The following MAPKBP1 variants were observed in gnomAD, a reference collection of about 807,000 sequenced individuals.
The protein encoded by MAPKBP1 is mitogen-activated protein kinase-binding protein 1.
In MAPKBP1, 71 loss-of-function variants were observed where a neutral mutation model predicts 170.5. The observed-to-expected ratio is 0.42, with a 90% CI of 0.34 to 0.51. The LOEUF (loss-of-function observed/expected upper bound fraction) is 0.51. Ranked by LOEUF, MAPKBP1 falls within the 20% of genes least tolerant of loss-of-function variation. The pLI, the probability that MAPKBP1 is intolerant of heterozygous loss-of-function variation, is 0.06. For missense variants in MAPKBP1, 1,598 were observed against 1,933.0 expected (o/e 0.83, Z 3.25); for synonymous variants, 719 against 757.9 (o/e 0.95, Z 0.84).
chr15:41,786,777 A>AATATATATATATATATATATATAT (rs1180590172), intron 2 of MAPKBP1, among the ~76,000 whole-genome samples: 22 of 32,350 alleles, frequency 6.8e-4, no homozygotes, highest in African/African-American at 1.2e-3. Context: ...AAAAAAAAAA[A>AATATATATATATATATATATATAT]ATATATATAT....
At position 41,823,436 on chromosome 15, in the gene MAPKBP1, C is replaced by G; in HGVS notation, c.3599-11C>G. The G allele has an allele frequency of 6.2e-7, 1 of 1,606,024 alleles. No individual in the cohort carries two copies. Among genetic ancestry groups the G allele is most frequent in the Non-Finnish European group, 8.5e-7 (1 of 1,175,090 alleles). ...ACACCTGACCTGTGTATACCTCTGT[C>G]TCCTTTGCAGAAAGACATGAGGCCA... On this transcript the variant is annotated splice_polypyrimidine_tract_variant and intron_variant, in intron 28 of 30. Coordinates refer to ENST00000457542, the MANE Select transcript of MAPKBP1 (RefSeq NM_014994.3).
chr15:41,818,472 T>C lies in MAPKBP1; in HGVS notation c.2093-47T>C. 1 of 1,580,760 alleles carries C rather than the reference T, an allele frequency of 6.3e-7. No homozygotes were observed. The highest frequency in any genetic ancestry group is 1.3e-5 in the African/African-American group (1 of 74,386). On this transcript the variant is annotated intron_variant, in intron 18 of 30. Coordinates refer to ENST00000457542, the MANE Select transcript of MAPKBP1 (RefSeq NM_014994.3). The surrounding 1 kb of genome is among the most constrained non-coding windows in gnomAD (Gnocchi z 5.2). ...CACTGTTGGGATGGAGAGGACTTGG[T>C]TGGGAATTTAAGGTGGCTTATAGAC...
At chr15:41,824,211 C>T in intron 29 of MAPKBP1, 150 bp downstream of exon 29, 2 of 1,104,824 alleles carry the variant, frequency 1.8e-6, no homozygotes, top group Non-Finnish European at 2.6e-6. Flanking sequence ...AAGTCACACC[C>T]CTGATGGTGA....
intron 2 of MAPKBP1, among the ~76,000 whole-genome samples, chr15:41,776,702 C>CT (rs1233913993): frequency 6.6e-6 from 1 of 152,176 alleles, no homozygotes; most frequent in Admixed American, 6.5e-5. Flanking sequence ...TCTTTGGCCT[C>CT]TTTTTCTGGC....
intron 30 of MAPKBP1, 144 bp from the exon 31 acceptor site, chr15:41,825,065 T>C: frequency 1.6e-6 from 1 of 626,978 alleles, no homozygotes; most frequent in South Asian, 2.1e-5. Flanking sequence ...CTGCATCCCA[T>C]GTTCCCTGGC....
intron 2 of MAPKBP1, among the ~76,000 whole-genome samples, chr15:41,787,871 G>C (rs996261992): frequency 6.6e-6 from 1 of 152,064 alleles, no homozygotes; most frequent in African/African-American, 2.4e-5. Flanking sequence ...TTGATAAATA[G>C]TTGAAGAATT....
chr15:41,821,200 C>A, intron 23 of MAPKBP1, 132 bp downstream of exon 23: 1 of 861,236 alleles, frequency 1.2e-6, no homozygotes, highest in Non-Finnish European at 1.9e-6. Flanking sequence ...ACCTGAACTG[C>A]AAAGCCAGGA....
chr15:41,781,245 T>A (rs1454186395), intron 2 of MAPKBP1, among the ~76,000 whole-genome samples: 2 of 152,018 alleles, frequency 1.3e-5, no homozygotes, highest in African/African-American at 2.4e-5. Context: ...CTGGCTACTT[T>A]TTGTTTTTTC....
chr15:41,824,464 G>A lies in MAPKBP1; in HGVS notation c.4214-20G>A, dbSNP rs1370473484. 4.5e-6 allele frequency: 7 copies of A among 1,572,376 alleles called. No individual in the cohort carries two copies. Among genetic ancestry groups the A allele is most frequent in the Middle Eastern group, 3.4e-4 (2 of 5,888 alleles). On this transcript the variant is annotated intron_variant, in intron 29 of 30. Transcript: ENST00000457542. ...AGGGCTACATGCTGGGCCTCACTGA[G>A]CTGTATCCGTCTCTTTCAGAGCCAG...
At chr15:41,816,460 A>G (rs2064892745) in intron 12 of MAPKBP1, 99 bp from the exon 13 acceptor site, 9 of 809,548 alleles carry the variant, frequency 1.1e-5, no homozygotes, top group Non-Finnish European at 1.8e-5. Flanking sequence ...TAAAAGTTCA[A>G]AAAAAGGAAA....
intron 20 of MAPKBP1, 69 bp downstream of exon 20, chr15:41,819,026 C>T: frequency 6.3e-7 from 1 of 1,592,486 alleles, no homozygotes; most frequent in Non-Finnish European, 8.6e-7. Flanking sequence ...ACTGCACTTC[C>T]TCCATGCTTT....
Position 41,817,705 on chromosome 15 carries a change from C to A in MAPKBP1, c.1874C>A (p.Thr625Lys). ...DMDVEPSWKY[T>K]AIGCQDRNIR... ...GATGTGGAGCCCAGCTGGAAGTACA[C>A]GGCTATCGGCTGCCAGGACCGAAAT... Residue 625 changes from threonine (T) to lysine (K), a missense_variant, in exon 16 of 31, where the codon ACG becomes AAG. Coordinates refer to ENST00000457542, the MANE Select transcript of MAPKBP1 (RefSeq NM_014994.3). The surrounding 1 kb of genome is among the most constrained non-coding windows in gnomAD (Gnocchi z 4.2). 6.2e-7 allele frequency: 1 copy of A among 1,614,074 alleles called. No individual in the cohort carries two copies. The highest frequency in any genetic ancestry group is 1.1e-5 in the South Asian group (1 of 91,070).
chr15:41,816,558 G>C lies in MAPKBP1; in HGVS notation c.1494-1G>C. ...CTTCCCACCTCTCCTCATCTTTGCA[G>C]GGTGCACGAACTTCAGTCCCTGAGT... On this transcript the variant is annotated splice_acceptor_variant, in intron 12 of 30. Transcript: ENST00000457542. LOFTEE classifies it high-confidence loss of function. The C allele has an allele frequency of 6.2e-7, 1 of 1,613,102 alleles. No homozygotes were observed. The highest frequency in any genetic ancestry group is 1.3e-5 in the African/African-American group (1 of 75,026).
At chr15:41,820,381 G>A (rs1211095418) in intron 22 of MAPKBP1, among the ~76,000 whole-genome samples, 1 of 152,112 alleles carries the variant, frequency 6.6e-6, no homozygotes, top group Non-Finnish European at 1.5e-5. Context: ...GGAGTGGTTG[G>A]GGTAGACAGG....
At chr15:41,781,785 GAAGA>G (rs2064193827) in intron 2 of MAPKBP1, among the ~76,000 whole-genome samples, 1 of 151,892 alleles carries the variant, frequency 6.6e-6, no homozygotes, top group African/African-American at 2.4e-5. Flanking sequence ...GAAATCCTGA[GAAGA>G]AAGTTTATTT....
Position 41,819,304 on chromosome 15 carries a change from G to C in MAPKBP1, c.2350G>C (p.Glu784Gln). ...GPALSSDSDK[E>Q]GEDEGTEEEL... ...GGCTCTCTCATCAGACAGTGACAAG[G>C]AGGGAGAAGATGAGGGGACTGAAGA... The change falls in exon 21 of 31, where the codon GAG becomes CAG. Residue 784 changes from glutamate (E) to glutamine (Q), a missense_variant. By Grantham distance (29) the Glu-to-Gln change is conservative. Coordinates refer to ENST00000457542, the MANE Select transcript of MAPKBP1 (RefSeq NM_014994.3). The C allele has an allele frequency of 6.2e-7, 1 of 1,614,216 alleles. No homozygotes were observed. The highest frequency in any genetic ancestry group is 1.6e-4 in the Middle Eastern group (1 of 6,062).
In MAPKBP1 at chr15:41,805,634, T is replaced by C. The variant is rs1353649125; in HGVS notation, c.207-5249T>C. 3.3e-5 allele frequency among the ~76,000 whole-genome samples: 5 copies of C among 152,342 alleles called. No homozygotes were observed. In the East Asian group the frequency reaches 9.6e-4, roughly 29 times the overall value. On this transcript the variant is annotated intron_variant, in intron 3 of 30. Coordinates refer to ENST00000457542, the MANE Select transcript of MAPKBP1 (RefSeq NM_014994.3). ...CCTGCTCTCCTGAGGAGGCCCTCCA[T>C]TTCCTCAGCCCATGTTAAAATTGAT...
Position 41,824,034 on chromosome 15 carries a change from C to G in MAPKBP1, c.4186C>G (p.Pro1396Ala). 6 of 1,607,176 alleles carry G rather than the reference C, an allele frequency of 3.7e-6. No individual in the cohort carries two copies. The highest frequency in any genetic ancestry group is 5.1e-6 in the Non-Finnish European group (6 of 1,179,422). ...KTPNPMECTK[P>A]GAALSQDSEP... ...TCCCAACCCCATGGAATGCACCAAG[C>G]CAGGGGCAGCCCTGAGCCAGGACTC... The change falls in exon 29 of 31, where the codon CCA becomes GCA. Residue 1396 changes from proline to alanine, a missense_variant. Physicochemically the swap from Pro to Ala is conservative, Grantham distance 27. Around this residue, in one of 6 missense-constraint regions of MAPKBP1, gnomAD observed 942 missense variants for 953.2 expected, o/e 0.99. Coordinates refer to ENST00000457542, the MANE Select transcript of MAPKBP1 (RefSeq NM_014994.3).
Position 41,818,667 on chromosome 15 carries a change from C to T in MAPKBP1, c.2156+85C>T, listed in dbSNP as rs2064933534. The T allele has an allele frequency of 6.6e-7, 1 of 1,507,836 alleles. No individual in the cohort carries two copies. The highest frequency in any genetic ancestry group is 1.4e-5 in the African/African-American group (1 of 72,440). 93.4% of individuals were successfully genotyped at this position (1,507,836 alleles called of 1,614,324 possible). A position where few individuals can be genotyped will look rare whatever the true frequency, so the allele number is the denominator to read the frequency against. ...TCCCCTCTCTCCATTTCAGTGATGT[C>T]TCTGGGAAGTGGGGTTAACAGGGAT... On this transcript the variant is annotated intron_variant, in intron 19 of 30. Coordinates refer to ENST00000457542, the MANE Select transcript of MAPKBP1 (RefSeq NM_014994.3). The surrounding 1 kb of genome is among the most constrained non-coding windows in gnomAD (Gnocchi z 5.2).
Sources: gnomAD v4.1 joint callset for allele counts (sites outside exome capture counted in the v4.1 genomes callset) on GRCh38, gnomAD v4.1.1 for gene constraint, gnomAD v4.1.1 regional missense constraint, Gnocchi (gnomAD v3.1) non-coding constraint, MANE v1.5 for transcripts, NCBI Gene and HGNC (gene_info 2026-07-23, HGNC 2026-07-21) for gene names.